Variants in AGAP5 observed in about 807,000 individuals in gnomAD.
AGAP5 encodes ArfGAP with GTPase domain, ankyrin repeat and PH domain 5, also known as arf-GAP with GTPase, ANK repeat and PH domain-containing protein 5.
A neutral mutation model predicts 27.7 loss-of-function variants in AGAP5; 8 were observed. That is an observed-to-expected ratio of 0.29 (90% confidence interval 0.17 to 0.52). AGAP5 has a LOEUF of 0.52. Among genes scored for constraint, AGAP5 ranks in the 20% least tolerant of loss-of-function variants. The pLI, the probability that AGAP5 is intolerant of heterozygous loss-of-function variation, is 0.97. For missense variants in AGAP5, 285 were observed against 880.8 expected (o/e 0.32, Z 8.56); for synonymous variants, 111 against 338.0 (o/e 0.33, Z 7.37).
At chr10:73,678,027 T>C (rs1444029433) in intron 6 of AGAP5, among the ~76,000 whole-genome samples, 2 of 152,238 alleles carry the variant, frequency 1.3e-5, no homozygotes. Flanking sequence ...TTTTTTTGTT[T>C]TTAAAGAATC....
At chr10:73,697,221 C>A in intron 1 of AGAP5, 58 bp from the exon 2 acceptor site, 1 of 1,585,352 alleles carries the variant, frequency 6.3e-7, no homozygotes, top group Non-Finnish European at 8.5e-7. Context: ...AATTTATCAA[C>A]TCATTTATTC....
At chr10:73,692,901 T>A (rs1447568787) in intron 3 of AGAP5, among the ~76,000 whole-genome samples, 2 of 152,030 alleles carry the variant, frequency 1.3e-5, no homozygotes, top group African/African-American at 2.4e-5. Flanking sequence ...CACCTCAGCC[T>A]CCCAAAGAGC....
In AGAP5 at chr10:73,687,563, G is replaced by A. The variant is rs1396128156; in HGVS notation, c.396+4480C>T. Among the ~76,000 whole-genome samples, 8 of 152,354 alleles carry A rather than the reference G, an allele frequency of 5.3e-5. No individual in the cohort carries two copies. In the South Asian group the frequency reaches 1.7e-3, roughly 32 times the overall value. On this transcript the variant is annotated intron_variant, in intron 4 of 7. Coordinates refer to ENST00000374094, the MANE Select transcript of AGAP5 (RefSeq NM_001144000.4). The stretch of plus-strand genomic sequence containing the variant: ...CATATATGTTGTGAAGTAATGGGAA[G>A]TATATGGCAGTGGATAAACTTTGAA...
intron 4 of AGAP5, among the ~76,000 whole-genome samples, chr10:73,689,131 C>T (rs181107375): frequency 6.6e-5 from 10 of 151,160 alleles, no homozygotes; most frequent in South Asian, 2.1e-4. Context: ...CGATTGCAGG[C>T]GCGCGCCGCC....
At chr10:73,687,609 T>A (rs1346859145) in intron 4 of AGAP5, among the ~76,000 whole-genome samples, 2 of 152,204 alleles carry the variant, frequency 1.3e-5, no homozygotes, top group African/African-American at 4.8e-5. Flanking sequence ...AAACAAGGCC[T>A]TAGGAGAAAA....
At chr10:73,690,694 A>G (rs1305777759) in intron 4 of AGAP5, among the ~76,000 whole-genome samples, 5 of 152,188 alleles carry the variant, frequency 3.3e-5, no homozygotes, top group African/African-American at 1.2e-4. Flanking sequence ...CTCTCTATCA[A>G]AGAGGAGGGA....
At chr10:73,686,557 A>C (rs1299103103) in intron 4 of AGAP5, among the ~76,000 whole-genome samples, 1 of 152,258 alleles carries the variant, frequency 6.6e-6, no homozygotes, top group African/African-American at 2.4e-5. Flanking sequence ...GGTGAGACTC[A>C]ACTAAAGAGC....
At chr10:73,693,300 T>C (rs1259942209) in intron 3 of AGAP5, among the ~76,000 whole-genome samples, 2 of 152,204 alleles carry the variant, frequency 1.3e-5, no homozygotes, top group Admixed American at 6.5e-5. Flanking sequence ...ATGTTGGAGA[T>C]AGGGCCTAGT....
intron 4 of AGAP5, among the ~76,000 whole-genome samples, chr10:73,685,576 A>T (rs1365969219): frequency 7.2e-6 from 1 of 139,260 alleles, no homozygotes. Context: ...TTTGAGATGG[A>T]GTCTCGCTCT....
chr10:73,692,633 A>AT (rs71021562), intron 3 of AGAP5, among the ~76,000 whole-genome samples: 1,433 of 77,022 alleles, frequency 0.019, 82 homozygotes, highest in African/African-American at 0.043. Context: ...CCTATCTTAA[A>AT]TTTTTTTTTT....
chr10:73,677,444 G>A (rs1290080924), intron 6 of AGAP5, among the ~76,000 whole-genome samples: 68 of 90,190 alleles, frequency 7.5e-4, no homozygotes, highest in African/African-American at 2.9e-3. Flanking sequence ...GGAGTGCAAT[G>A]GTGTGATCTC....
Position 73,676,043 on chromosome 10 carries a change from T to C in AGAP5, c.617A>G (p.Asn206Ser). The C allele has an allele frequency of 1.2e-6, 2 of 1,610,808 alleles. No individual in the cohort carries two copies. Among genetic ancestry groups the C allele is most frequent in the South Asian group, 1.1e-5 (1 of 90,928 alleles). Residue 206 changes from asparagine (N) to serine (S), a missense_variant, in exon 8 of 8, where the codon AAT becomes AGT. Physicochemically the swap from Asn to Ser is conservative, Grantham distance 46. Transcript: ENST00000374094. ...VSTVHITKNRNGGGSLNNYSS... is the reference protein window; with the variant it reads ...VSTVHITKNRSGGGSLNNYSS... ...ATAGTTATTTAAACTCCCACCTCCA[T>C]TTCTGTTCTTCGTAATGTGCACGGT...
At chr10:73,686,226 G>T (rs2082062700) in intron 4 of AGAP5, among the ~76,000 whole-genome samples, 1 of 152,178 alleles carries the variant, frequency 6.6e-6, no homozygotes, top group African/African-American at 2.4e-5. Flanking sequence ...CAATGGAACA[G>T]AATAGAGAAC....
chr10:73,675,390 C>T lies in AGAP5; in HGVS notation c.1270G>A (p.Glu424Lys), dbSNP rs753279840. 1.2e-6 allele frequency: 2 copies of T among 1,613,994 alleles called. No homozygotes were observed. The highest frequency in any genetic ancestry group is 2.7e-5 in the African/African-American group (2 of 74,900). ...TCCCGCTCCTCATACGTCGTGGCTT[C>T]AAAGTGCCATGTTTGGCCAGTGGCA... Reference protein sequence around the residue: ...VSATGQTWHFEATTYEERDAW... With the variant: ...VSATGQTWHFKATTYEERDAW... The change falls in exon 8 of 8, where the codon GAA becomes AAA. Residue 424 changes from glutamate to lysine, a missense_variant. By Grantham distance (56) the Glu-to-Lys change is moderately conservative. Coordinates refer to ENST00000374094, the MANE Select transcript of AGAP5 (RefSeq NM_001144000.4).
At position 73,675,862 on chromosome 10, in the gene AGAP5, C is replaced by T; in HGVS notation, c.798G>A (p.Arg266=). ...TGTCAGCATGATTCTCCGGGGCTTT[C>T]CTCTCTTTGTCTGGGTGACTCCCTT... is the stretch of plus-strand genomic sequence containing the variant. ...SEKGSHPDKE[R]KAPENHADTI... is the part of the protein sequence containing the mutation. The change falls in exon 8 of 8, where the codon AGG becomes AGA. Residue 266 remains arginine, a synonymous_variant. Coordinates refer to ENST00000374094, the MANE Select transcript of AGAP5 (RefSeq NM_001144000.4). The T allele has an allele frequency of 6.2e-7, 1 of 1,613,896 alleles. No homozygotes were observed. Among genetic ancestry groups the T allele is most frequent in the African/African-American group, 1.3e-5 (1 of 74,950 alleles).
At chr10:73,689,214 CCTAA>C (rs1404547854) in intron 4 of AGAP5, among the ~76,000 whole-genome samples, 18 of 152,240 alleles carry the variant, frequency 1.2e-4, no homozygotes, top group African/African-American at 3.1e-4. Flanking sequence ...GTCTCCAGCT[CCTAA>C]CTGAGAGTGA....
intron 4 of AGAP5, among the ~76,000 whole-genome samples, chr10:73,689,864 G>A (rs531177437): frequency 3.8e-4 from 57 of 150,772 alleles, no homozygotes; most frequent in Admixed American, 1.2e-3. Flanking sequence ...GGTGGGGGGG[G>A]TCAGCCCCCC....
At position 73,697,807 on chromosome 10, in the gene AGAP5, C is replaced by T. The variant is rs2082175321; in HGVS notation, c.-52G>A. On this transcript the variant is annotated 5_prime_UTR_variant, in exon 1 of 8. Transcript: ENST00000374094. ...CTGTGCCTCTGCTCACAGCTTTGGC[C>T]ACACACTCCCACTGTCCTAGGCCGA... 6.3e-7 allele frequency: 1 copy of T among 1,593,454 alleles called. No individual in the cohort carries two copies. Among genetic ancestry groups the T allele is most frequent in the Non-Finnish European group, 8.5e-7 (1 of 1,177,620 alleles).
At chr10:73,677,273 T>C (rs532126924) in intron 6 of AGAP5, among the ~76,000 whole-genome samples, 17 of 151,528 alleles carry the variant, frequency 1.1e-4, no homozygotes, top group African/African-American at 3.4e-4. Flanking sequence ...GTAAAACTAA[T>C]GCATTGTGCC....
Sources: gnomAD v4.1 joint callset for allele counts (sites outside exome capture counted in the v4.1 genomes callset) on GRCh38, gnomAD v4.1.1 for gene constraint, MANE v1.5 for transcripts, NCBI Gene and HGNC (gene_info 2026-07-23, HGNC 2026-07-21) for gene names.